ANKRD22: variants seen among roughly 807,000 people sequenced by gnomAD.
The protein encoded by ANKRD22 is ankyrin repeat domain 22, also known as ankyrin repeat domain-containing protein 22.
A neutral mutation model predicts 25.7 loss-of-function variants in ANKRD22; 24 were observed. The ratio of observed to expected loss-of-function variants is 0.93; its 90% CI spans 0.68 to 1.31. ANKRD22 has a LOEUF of 1.31. Among genes scored for constraint, ANKRD22 ranks in the 50% most tolerant of loss-of-function variants. ANKRD22 has a pLI of 0.00. For missense variants in ANKRD22, 214 were observed against 227.1 expected, an observed-to-expected ratio of 0.94 and a Z score of 0.37; for synonymous variants, 84 against 84.3, an observed-to-expected ratio of 1.00 and a Z score of 0.02.
Position 88,820,293 on chromosome 10 carries a change from G to T in ANKRD22, c.*2648C>A. On this transcript the variant is annotated 3_prime_UTR_variant, in exon 6 of 6. Coordinates refer to ENST00000371930, the MANE Select transcript of ANKRD22 (RefSeq NM_144590.3). ...GTCCCTACAGCAATGTGGACAGGAG[G>T]TCAGGACTGGCTTTCAAATCCAGAA... 6.4e-7 allele frequency: 1 copy of T among 1,552,068 alleles called. No individual in the cohort carries two copies. Among genetic ancestry groups the T allele is most frequent in the African/African-American group, 1.4e-5 (1 of 73,174 alleles).
At chr10:88,841,829 A>G (rs1225780138) in intron 1 of ANKRD22, among the ~76,000 whole-genome samples, 2 of 152,102 alleles carry the variant, frequency 1.3e-5, no homozygotes, top group South Asian at 2.1e-4. Context: ...ACTGCAACCA[A>G]TCAAATATTT....
chr10:88,834,710 G>T (rs1183339675), intron 1 of ANKRD22, among the ~76,000 whole-genome samples: 2 of 152,142 alleles, frequency 1.3e-5, no homozygotes, highest in Non-Finnish European at 2.9e-5. Flanking sequence ...CGAGGTGGGT[G>T]GATCACCTGA....
chr10:88,831,725 G>A (rs764130048), intron 2 of ANKRD22, 110 bp downstream of exon 2: 51 of 1,098,770 alleles, frequency 4.6e-5, no homozygotes, highest in South Asian at 4.1e-4. Context: ...ATAATTGTTC[G>A]TATTAGGAGC....
chr10:88,832,845 G>A (rs973549318), intron 1 of ANKRD22, among the ~76,000 whole-genome samples: 5 of 152,134 alleles, frequency 3.3e-5, no homozygotes, highest in African/African-American at 1.2e-4. Flanking sequence ...CTCGACTTCT[G>A]TTCTTCAAAG....
At chr10:88,832,151 C>T in intron 1 of ANKRD22, 125 bp from the exon 2 acceptor site, 1 of 1,073,342 alleles carries the variant, frequency 9.3e-7, no homozygotes, top group Non-Finnish European at 1.3e-6. Context: ...TATTGCTTTG[C>T]AGGTGAGATT....
At chr10:88,823,550 G>C in intron 4 of ANKRD22, 172 bp from the exon 5 acceptor site, 4 of 566,596 alleles carry the variant, frequency 7.1e-6, no homozygotes, top group Non-Finnish European at 1.2e-5. Flanking sequence ...ATTTTTCGCC[G>C]GGCGCGGTGG....
chr10:88,831,336 T>C (rs1843901286), intron 2 of ANKRD22, among the ~76,000 whole-genome samples: 1 of 152,218 alleles, frequency 6.6e-6, no homozygotes, highest in African/African-American at 2.4e-5. Context: ...TCAAGTAACC[T>C]CTGGCTCATG....
At chr10:88,823,254 T>C (rs1012912413) in intron 5 of ANKRD22, 26 bp downstream of exon 5, 2 of 1,585,776 alleles carry the variant, frequency 1.3e-6, no homozygotes, top group African/African-American at 1.3e-5. Context: ...TAGAGGAACC[T>C]CAGACCACGG....
At chr10:88,851,073 T>C (rs1263529862) in intron 1 of ANKRD22, among the ~76,000 whole-genome samples, 1 of 152,174 alleles carries the variant, frequency 6.6e-6, no homozygotes, top group African/African-American at 2.4e-5. Flanking sequence ...AAGAAAATAA[T>C]CAAATCATCA....
intron 1 of ANKRD22, among the ~76,000 whole-genome samples, chr10:88,840,119 A>T (rs1350535256): frequency 6.6e-6 from 1 of 152,162 alleles, no homozygotes; most frequent in Admixed American, 6.5e-5. Context: ...ATTAGGAAAA[A>T]TTTTTTGTGT....
In ANKRD22 at chr10:88,821,484, T is replaced by C. The variant is rs1421511421; in HGVS notation, c.*1457A>G. Among the ~76,000 whole-genome samples, 1 of 152,230 alleles carries C rather than the reference T, an allele frequency of 6.6e-6. No homozygotes were observed. Among genetic ancestry groups the C allele is most frequent in the Non-Finnish European group, 1.5e-5 (1 of 68,044 alleles). ...ATCAAAGGTTTGTGTGTGTCAAAAG[T>C]ATATTGTTGAAGGTATACTGGTGTG... On this transcript the variant is annotated 3_prime_UTR_variant, in exon 6 of 6. Coordinates refer to ENST00000371930, the MANE Select transcript of ANKRD22 (RefSeq NM_144590.3).
Position 88,820,365 on chromosome 10 carries a change from A to T in ANKRD22, c.*2576T>A, listed in dbSNP as rs1843773636. On this transcript the variant is annotated 3_prime_UTR_variant, in exon 6 of 6. Transcript: ENST00000371930. ...GAGGTGACCAACCTCATCTACCATA[A>T]GAATATTCCTGAATGGGCTCACGTG... is the stretch of plus-strand genomic sequence containing the variant. 3.2e-6 allele frequency: 5 copies of T among 1,552,246 alleles called. No individual in the cohort carries two copies. The highest frequency in any genetic ancestry group is 8.7e-7 in the Non-Finnish European group (1 of 1,147,150).
At chr10:88,830,411 G>C (rs1324204500) in intron 2 of ANKRD22, among the ~76,000 whole-genome samples, 1 of 152,028 alleles carries the variant, frequency 6.6e-6, no homozygotes, top group East Asian at 1.9e-4. Context: ...CTCCAGCAGA[G>C]CTTTTTGTTT....
In ANKRD22 at chr10:88,820,350, A is replaced by C; in HGVS notation, c.*2591T>G. 1.3e-6 allele frequency: 2 copies of C among 1,552,250 alleles called. No homozygotes were observed. Among genetic ancestry groups the C allele is most frequent in the Non-Finnish European group, 1.7e-6 (2 of 1,147,120 alleles). ...AAAATGCTGCTCTCTGAGGTGACCA[A>C]CCTCATCTACCATAAGAATATTCCT... On this transcript the variant is annotated 3_prime_UTR_variant, in exon 6 of 6. Coordinates refer to ENST00000371930, the MANE Select transcript of ANKRD22 (RefSeq NM_144590.3).
rs149534555 is a variant in ANKRD22, at chr10:88,838,234, G to T, written c.22-6208C>A. 6.1e-3 allele frequency among the ~76,000 whole-genome samples: 933 copies of T among 152,306 alleles called. 10 individuals are homozygous for T. The highest frequency in any genetic ancestry group is 0.021 in the African/African-American group (861 of 41,564). On this transcript the variant is annotated intron_variant, in intron 1 of 5. Transcript: ENST00000371930. The stretch of plus-strand genomic sequence containing the variant: ...AGAGTTGACTGAGCCTGCCATGTGA[G>T]TTTGTGATTTTCTTCAGCAAACCTA...
chr10:88,847,765 TA>T (rs199918993), intron 1 of ANKRD22, among the ~76,000 whole-genome samples: 82 of 148,524 alleles, frequency 5.5e-4, no homozygotes, highest in African/African-American at 1.8e-3. Flanking sequence ...AAAAACAAAA[TA>T]AAAAAAAACC....
In ANKRD22 at chr10:88,828,582, G is replaced by A. The variant is rs1320360521; in HGVS notation, c.298C>T (p.Leu100=). The change falls in exon 3 of 6, where the codon CTG becomes TTG. Residue 100 remains leucine (L), a synonymous_variant. Coordinates refer to ENST00000371930, the MANE Select transcript of ANKRD22 (RefSeq NM_144590.3). ...YLLIILLMPV[L]LIGYFLMVSK... ...ACCATGAGGAAATACCCAATAAGCA[G>A]AACAGGCATTAAGAGGATAATTAGT... 6.2e-7 allele frequency: 1 copy of A among 1,608,958 alleles called. No homozygotes were observed. The highest frequency in any genetic ancestry group is 1.1e-5 in the South Asian group (1 of 90,614).
chr10:88,822,810 C>T lies in ANKRD22; in HGVS notation c.*131G>A. 3.8e-6 allele frequency: 3 copies of T among 784,508 alleles called. No homozygotes were observed. The highest frequency in any genetic ancestry group is 6.4e-6 in the Non-Finnish European group (3 of 470,076). 48.6% of individuals were successfully genotyped at this position (784,508 alleles called of 1,614,324 possible). A position where few individuals can be genotyped will look rare whatever the true frequency, so the allele number is the denominator to read the frequency against. On this transcript the variant is annotated 3_prime_UTR_variant, in exon 6 of 6. Transcript: ENST00000371930. Reference sequence around the variant, plus strand: ...ATAAAAAGCTCTTCCAAAACATTAACCATGGTAAGCATCATTATCCCCATA... The same window carrying T: ...ATAAAAAGCTCTTCCAAAACATTAATCATGGTAAGCATCATTATCCCCATA...
chr10:88,837,581 AG>A (rs1843965478), intron 1 of ANKRD22, among the ~76,000 whole-genome samples: 1 of 152,232 alleles, frequency 6.6e-6, no homozygotes, highest in African/African-American at 2.4e-5. Flanking sequence ...TTTGCCAGAA[AG>A]TCAGAGGTTT....
Sources: gnomAD v4.1 joint callset for allele counts (sites outside exome capture counted in the v4.1 genomes callset) on GRCh38, gnomAD v4.1.1 for gene constraint, MANE v1.5 for transcripts, NCBI Gene and HGNC (gene_info 2026-07-23, HGNC 2026-07-21) for gene names.